The following PTCHD4 variants were observed in gnomAD, a reference collection of about 807,000 sequenced individuals.
PTCHD4 encodes the protein patched domain-containing protein 4.
A neutral mutation model predicts 58.1 loss-of-function variants in PTCHD4; 33 were observed. That is an observed-to-expected ratio of 0.57 (90% CI 0.43 to 0.76). The LOEUF is 0.76. PTCHD4 is among the 30% of genes least tolerant of loss of function. PTCHD4 has a pLI of 0.00. For synonymous variants in PTCHD4, 478 were observed against 409.6 expected, an observed-to-expected ratio of 1.17 and a Z score of -2.02; for missense variants, 1,058 against 1,027.1, an observed-to-expected ratio of 1.03 and a Z score of -0.41.
At chr6:47,952,376 A>G (rs1427276910) in intron 4 of PTCHD4, among the ~76,000 whole-genome samples, 2 of 152,146 alleles carry the variant, frequency 1.3e-5, no homozygotes, top group African/African-American at 2.4e-5. Context: ...ACCAAAAGTT[A>G]TGAGTTCCTT....
chr6:47,905,043 T>TCTCACA (rs200426899), intron 4 of PTCHD4, among the ~76,000 whole-genome samples: 2 of 131,568 alleles, frequency 1.5e-5, no homozygotes, highest in African/African-American at 5.6e-5. Context: ...AATACAGCCA[T>TCTCACA]CACACACACA....
At chr6:48,102,821 C>T (rs534529295) in intron 1 of PTCHD4, among the ~76,000 whole-genome samples, 3 of 152,324 alleles carry the variant, frequency 2.0e-5, no homozygotes, top group East Asian at 1.9e-4. Flanking sequence ...GCACATGGCT[C>T]GGAGGGTCCT....
intron 4 of PTCHD4, among the ~76,000 whole-genome samples, chr6:47,882,886 C>A (rs1413353645): frequency 6.6e-6 from 1 of 151,262 alleles, no homozygotes; most frequent in Non-Finnish European, 1.5e-5. Context: ...TTCTTCATGG[C>A]TAGGGAATGC....
chr6:47,968,865 C>A (rs1017294220), intron 4 of PTCHD4, among the ~76,000 whole-genome samples: 1 of 152,082 alleles, frequency 6.6e-6, no homozygotes. Flanking sequence ...AAGTGCCCAA[C>A]CTACTCATTC....
intron 4 of PTCHD4, among the ~76,000 whole-genome samples, chr6:47,881,510 C>T (rs1764020800): frequency 6.6e-6 from 1 of 152,040 alleles, no homozygotes; most frequent in South Asian, 2.1e-4. Context: ...TCTTGTCTGC[C>T]TCCTTTTGGA....
chr6:48,041,642 G>T (rs527325634), intron 3 of PTCHD4, among the ~76,000 whole-genome samples: 3 of 151,904 alleles, frequency 2.0e-5, no homozygotes, highest in Non-Finnish European at 4.4e-5. Flanking sequence ...ATTATTGTCC[G>T]GTATGTCAAC....
rs1442331802 is a variant in PTCHD4 at position 47,860,742 on chromosome 6, A to G, written c.*17561T>C. 6.6e-6 allele frequency among the ~76,000 whole-genome samples: 1 copy of G among 152,004 alleles called. No individual in the cohort carries two copies. On this transcript the variant is annotated 3_prime_UTR_variant, in exon 5 of 5. Coordinates refer to ENST00000339488, the MANE Select transcript of PTCHD4 (RefSeq NM_001384253.1). ...ATTTGAGAGACATAGGTAGAGGGTTAAAAACCCACTAGTCTACTAGTTTAT... is the reference window on the plus strand; with the variant it reads ...ATTTGAGAGACATAGGTAGAGGGTTGAAAACCCACTAGTCTACTAGTTTAT...
chr6:47,892,164 T>C (rs1006180896), intron 4 of PTCHD4, among the ~76,000 whole-genome samples: 10 of 152,146 alleles, frequency 6.6e-5, no homozygotes, highest in African/African-American at 2.4e-4. Flanking sequence ...TTCATTGCTT[T>C]AGGCAGAGAA....
At chr6:47,942,693 C>T (rs1388509362) in intron 4 of PTCHD4, among the ~76,000 whole-genome samples, 3 of 152,216 alleles carry the variant, frequency 2.0e-5, no homozygotes, top group Non-Finnish European at 2.9e-5. Context: ...GTAGCAACCT[C>T]ATGTTTGACA....
At chr6:47,999,118 A>C (rs77250781) in intron 4 of PTCHD4, among the ~76,000 whole-genome samples, 18,469 of 152,210 alleles carry the variant, frequency 0.12, 1,447 homozygotes, top group South Asian at 0.2. Context: ...GTGTCAAATA[A>C]ATGATTCACT....
chr6:47,982,342 T>C (rs1767909096), intron 4 of PTCHD4, among the ~76,000 whole-genome samples: 1 of 152,166 alleles, frequency 6.6e-6, no homozygotes, highest in South Asian at 2.1e-4. Flanking sequence ...CTGCTCTTTT[T>C]CTCTGGGCCC....
At chr6:48,060,227 G>A (rs1350976880) in intron 3 of PTCHD4, among the ~76,000 whole-genome samples, 1 of 152,182 alleles carries the variant, frequency 6.6e-6, no homozygotes, top group African/African-American at 2.4e-5. Flanking sequence ...ACCCACATTA[G>A]TATGGCCTGC....
chr6:47,962,971 G>T lies in PTCHD4; in HGVS notation c.898+45663C>A, dbSNP rs1164298810. Among the ~76,000 whole-genome samples, 3 of 151,760 alleles carry T rather than the reference G, an allele frequency of 2.0e-5. No homozygotes were observed. In the East Asian group the frequency reaches 5.8e-4, roughly 29 times the overall value. On this transcript the variant is annotated intron_variant, in intron 4 of 4. Transcript: ENST00000339488. ...GTTCAGGAGTTCAAGACCAGCCTGGGTAACACGGTGAAACTGCACCTCTCT... is the reference window on the plus strand; with the variant it reads ...GTTCAGGAGTTCAAGACCAGCCTGGTTAACACGGTGAAACTGCACCTCTCT...
intron 4 of PTCHD4, among the ~76,000 whole-genome samples, chr6:47,892,204 G>A (rs1351185882): frequency 1.7e-4 from 26 of 152,110 alleles, no homozygotes; most frequent in Non-Finnish European, 7.4e-5. Flanking sequence ...CTGGAGTGGG[G>A]CTGAAAATCT....
Position 47,862,954 on chromosome 6 carries a change from A to G in PTCHD4, c.*15349T>C, listed in dbSNP as rs1763466726. Among the ~76,000 whole-genome samples, 1 of 151,934 alleles carries G rather than the reference A, an allele frequency of 6.6e-6. No homozygotes were observed. Among genetic ancestry groups the G allele is most frequent in the African/African-American group, 2.4e-5 (1 of 41,430 alleles). On this transcript the variant is annotated 3_prime_UTR_variant, in exon 5 of 5. Transcript: ENST00000339488. The stretch of plus-strand genomic sequence containing the variant: ...AATACTGTCTTTATGCTACTGGAAC[A>G]TTAATTTCACACATTGAGGGTAATT...
intron 1 of PTCHD4, among the ~76,000 whole-genome samples, chr6:48,077,149 T>C (rs1007722716): frequency 3.3e-5 from 5 of 152,236 alleles, no homozygotes; most frequent in African/African-American, 9.6e-5. Context: ...TAAAGTGTAC[T>C]GTAAACAGAT....
At chr6:47,941,186 ATG>A (rs574639678) in intron 4 of PTCHD4, among the ~76,000 whole-genome samples, 14 of 152,302 alleles carry the variant, frequency 9.2e-5, no homozygotes, top group Admixed American at 7.2e-4. Context: ...AAGTCCACCA[ATG>A]AGAGACACTT....
rs1200485863 is a variant in PTCHD4 at position 47,879,770 on chromosome 6, G to A, written c.1065C>T (p.Phe355=). ...FITFGMGASP[F]TNIEAVKVFC... ...AGACCTTCACAGCCTCTATGTTTGT[G>A]AATGGGCTGGCACCCATGCCAAAAG... The change falls in exon 5 of 5, where the codon TTC becomes TTT. Residue 355 remains phenylalanine (F), a synonymous_variant. Transcript: ENST00000339488. 11 of 1,613,542 alleles carry A rather than the reference G, an allele frequency of 6.8e-6. No homozygotes were observed. The highest frequency in any genetic ancestry group is 9.3e-6 in the Non-Finnish European group (11 of 1,179,768).
At chr6:47,973,758 A>G (rs1767597241) in intron 4 of PTCHD4, among the ~76,000 whole-genome samples, 1 of 152,238 alleles carries the variant, frequency 6.6e-6, no homozygotes. Context: ...TGGTTATAGT[A>G]TCTTACGTTT....
Sources: gnomAD v4.1 joint callset for allele counts (sites outside exome capture counted in the v4.1 genomes callset) on GRCh38, gnomAD v4.1.1 for gene constraint, MANE v1.5 for transcripts, NCBI Gene and HGNC (gene_info 2026-07-23, HGNC 2026-07-21) for gene names.